Variants in SLC25A26 observed in about 807,000 individuals in gnomAD.
SLC25A26 encodes mitochondrial S-adenosylmethionine carrier protein.
SLC25A26 carries 36 observed loss-of-function variants against 37.8 expected under a neutral mutation model. The observed-to-expected ratio is 0.95, with a 90% CI of 0.73 to 1.26. The LOEUF (loss-of-function observed/expected upper bound fraction) is 1.26, where lower values mean the gene tolerates loss of function less well. SLC25A26 is among the 50% of genes most tolerant of loss of function. The pLI, the probability that SLC25A26 is intolerant of heterozygous loss-of-function variation, is 0.00. For missense variants in SLC25A26, 390 were observed against 331.1 expected (o/e 1.18, Z -1.38); for synonymous variants, 129 against 122.5 (o/e 1.05, Z -0.35).
intron 1 of SLC25A26, among the ~76,000 whole-genome samples, chr3:66,231,139 C>G (rs1028232286): frequency 2.6e-5 from 4 of 152,210 alleles, no homozygotes; most frequent in Admixed American, 2.6e-4. Context: ...TGTGCCACTG[C>G]ACTCCAGATG....
At chr3:66,141,701 A>G (rs1428318318) in intron 1 of SLC25A26, among the ~76,000 whole-genome samples, 3 of 152,090 alleles carry the variant, frequency 2.0e-5, no homozygotes, top group Non-Finnish European at 4.4e-5. Flanking sequence ...TTTATTAGAG[A>G]CAGGGTTTCA....
rs371701293 is a variant in SLC25A26, at chr3:66,306,339, GTTTTGAT to G, written c.454-40021_454-40015del. Among the ~76,000 whole-genome samples, 483 of 151,480 alleles carry G rather than the reference GTTTTGAT, an allele frequency of 3.2e-3. 6 individuals are homozygous for G. Among genetic ancestry groups the G allele is most frequent in the African/African-American group, 0.011 (461 of 41,076 alleles). ...TGGCGTGAGACGGTATCTCATTGTG[GTTTTGAT>G]TTTCATTTCTCTAATCAGTGATGTT... On this transcript the variant is annotated intron_variant, in intron 5 of 9. Transcript: ENST00000354883.
intron 3 of SLC25A26, among the ~76,000 whole-genome samples, chr3:66,261,299 C>A (rs1334223744): frequency 6.6e-6 from 1 of 152,188 alleles, no homozygotes. Flanking sequence ...CCTTCTCCAA[C>A]CTTGCCTTCT....
intron 1 of SLC25A26, among the ~76,000 whole-genome samples, chr3:66,193,052 G>A (rs2070976290): frequency 2.0e-5 from 3 of 152,146 alleles, no homozygotes; most frequent in South Asian, 4.1e-4. Context: ...AGAGATACAG[G>A]TATGTATATA....
chr3:66,182,671 C>G (rs1473345136), intron 1 of SLC25A26, among the ~76,000 whole-genome samples: 4 of 125,566 alleles, frequency 3.2e-5, no homozygotes, highest in African/African-American at 1.3e-4. Flanking sequence ...ATGCTTATAA[C>G]AGGATTGGCT....
intron 9 of SLC25A26, chr3:66,371,197 C>T: frequency 6.7e-7 from 1 of 1,499,338 alleles, no homozygotes; most frequent in Non-Finnish European, 8.9e-7. Context: ...TGATTTTTCT[C>T]TTAGGGACCA....
intron 1 of SLC25A26, among the ~76,000 whole-genome samples, chr3:66,144,603 A>G (rs537042800): frequency 3.3e-5 from 5 of 152,296 alleles, no homozygotes; most frequent in Admixed American, 1.3e-4. Flanking sequence ...GAAGCATACC[A>G]TAATGCCAAA....
At chr3:66,185,741 C>T (rs2106774570) in intron 1 of SLC25A26, among the ~76,000 whole-genome samples, 1 of 152,258 alleles carries the variant, frequency 6.6e-6, no homozygotes, top group South Asian at 2.1e-4. Flanking sequence ...ATTAACCTCA[C>T]ACTGACCCTG....
At chr3:66,164,801 C>T (rs544831459) in intron 1 of SLC25A26, among the ~76,000 whole-genome samples, 17 of 152,294 alleles carry the variant, frequency 1.1e-4, no homozygotes, top group Admixed American at 3.9e-4. Flanking sequence ...GGCTTTCTAA[C>T]ACCTGCACAA....
chr3:66,334,489 T>C (rs2076050093), intron 5 of SLC25A26, among the ~76,000 whole-genome samples: 1 of 152,084 alleles, frequency 6.6e-6, no homozygotes, highest in Admixed American at 6.6e-5. Flanking sequence ...TAATTTTTTG[T>C]ATTCTTAGTA....
intron 5 of SLC25A26, among the ~76,000 whole-genome samples, chr3:66,322,866 T>G (rs1438241896): frequency 6.6e-6 from 1 of 152,202 alleles, no homozygotes; most frequent in Non-Finnish European, 1.5e-5. Flanking sequence ...CTGCAAGTTT[T>G]TAATAGTATA....
chr3:66,304,659 A>C (rs894392920), intron 5 of SLC25A26: 12 of 281,770 alleles, frequency 4.3e-5, no homozygotes, highest in Non-Finnish European at 7.1e-5. Flanking sequence ...GTTCACTAAT[A>C]CATTCTTTAA....
chr3:66,327,388 T>G (rs1233893249), intron 5 of SLC25A26, among the ~76,000 whole-genome samples: 4 of 152,196 alleles, frequency 2.6e-5, no homozygotes, highest in Admixed American at 2.0e-4. Context: ...TTTGTCTGTA[T>G]TATTTCCACT....
intron 1 of SLC25A26, among the ~76,000 whole-genome samples, chr3:66,139,458 C>A (rs1349664576): frequency 6.6e-6 from 1 of 152,182 alleles, no homozygotes; most frequent in Non-Finnish European, 1.5e-5. Context: ...TTAGCTCCCC[C>A]CTATCAGGAG....
chr3:66,323,161 C>T (rs574074944), intron 5 of SLC25A26, among the ~76,000 whole-genome samples: 3 of 152,192 alleles, frequency 2.0e-5, no homozygotes, highest in East Asian at 1.9e-4. Context: ...TGTGTAAATG[C>T]GGTCTTTCCC....
chr3:66,370,485 G>C, intron 8 of SLC25A26, 44 bp from the exon 9 acceptor site: 1 of 1,508,368 alleles, frequency 6.6e-7, no homozygotes, highest in Non-Finnish European at 9.2e-7. Context: ...TGTGTGATTG[G>C]GAGCTTCAGA....
At chr3:66,264,575 G>A (rs555309944) in intron 5 of SLC25A26, among the ~76,000 whole-genome samples, 4 of 152,308 alleles carry the variant, frequency 2.6e-5, no homozygotes, top group African/African-American at 9.6e-5. Context: ...AACTGCGCAT[G>A]TGAGGGATTT....
chr3:66,221,480 A>C (rs1461515321), intron 1 of SLC25A26, among the ~76,000 whole-genome samples: 3 of 152,212 alleles, frequency 2.0e-5, no homozygotes, highest in Admixed American at 1.3e-4. Flanking sequence ...TGTATGTAAC[A>C]CAACAACAAA....
At chr3:66,252,605 C>A (rs1243660256) in intron 3 of SLC25A26, among the ~76,000 whole-genome samples, 5 of 152,182 alleles carry the variant, frequency 3.3e-5, no homozygotes, top group African/African-American at 1.2e-4. Flanking sequence ...TTATACAGCA[C>A]TTAACAAAGT....
Sources: allele counts gnomAD v4.1 joint callset (sites outside exome capture counted in the v4.1 genomes callset), GRCh38; gene constraint gnomAD v4.1.1; transcripts MANE v1.5; gene names NCBI Gene and HGNC (gene_info 2026-07-23, HGNC 2026-07-21).